HEMK2: variants seen among roughly 807,000 people sequenced by gnomAD.
HEMK2 encodes the protein methyltransferase HEMK2.
chr21:28,756,466 C>T, the HEMK2 span, among the ~76,000 whole-genome samples: 1 of 152,184 alleles, frequency 6.6e-6, no homozygotes, highest in African/African-American at 2.4e-5. Flanking sequence ...TCCATCCATT[C>T]CAACCATAAA....
At chr21:28,723,354 A>G in the HEMK2 span, among the ~76,000 whole-genome samples, 3 of 152,124 alleles carry the variant, frequency 2.0e-5, no homozygotes, top group Non-Finnish European at 2.9e-5. Flanking sequence ...ATTAGTCTAC[A>G]TGTCACTGCA....
At chr21:28,783,937 A>C in the HEMK2 span, among the ~76,000 whole-genome samples, 1 of 152,178 alleles carries the variant, frequency 6.6e-6, no homozygotes, top group East Asian at 1.9e-4. Flanking sequence ...TCCCCCGGCA[A>C]TGCCAGCCTG....
the HEMK2 span, among the ~76,000 whole-genome samples, chr21:28,699,348 C>T: frequency 3.9e-5 from 6 of 152,152 alleles, no homozygotes; most frequent in Non-Finnish European, 8.8e-5. Context: ...GGCCTGCTTC[C>T]TGGTTCACAG....
the HEMK2 span, among the ~76,000 whole-genome samples, chr21:28,613,113 T>C: frequency 1.3e-5 from 2 of 151,868 alleles, no homozygotes; most frequent in South Asian, 2.1e-4. Flanking sequence ...GATAGATAGA[T>C]AGATAGACAG....
the HEMK2 span, among the ~76,000 whole-genome samples, chr21:28,648,934 G>A: frequency 4.6e-5 from 6 of 130,778 alleles, no homozygotes; most frequent in East Asian, 8.4e-4. Context: ...ATCCCTCCCC[G>A]CTCCCCCCAC....
At chr21:28,703,960 G>C in the HEMK2 span, among the ~76,000 whole-genome samples, 12 of 152,274 alleles carry the variant, frequency 7.9e-5, no homozygotes, top group Admixed American at 6.5e-4. Context: ...TGGACTTGAA[G>C]CTTACTTGAC....
At chr21:28,576,430 T>C in the HEMK2 span, among the ~76,000 whole-genome samples, 309 of 151,924 alleles carry the variant, frequency 2.0e-3, 1 homozygote, top group African/African-American at 7.0e-3. Flanking sequence ...TTAAATTAGG[T>C]TTGTCTTTTA....
chr21:28,596,163 C>T, the HEMK2 span, among the ~76,000 whole-genome samples: 2 of 151,964 alleles, frequency 1.3e-5, no homozygotes, highest in Non-Finnish European at 2.9e-5. Context: ...ACTACAGGCG[C>T]CCGCCACCAC....
At chr21:28,810,757 T>G in the HEMK2 span, among the ~76,000 whole-genome samples, 7 of 152,166 alleles carry the variant, frequency 4.6e-5, no homozygotes, top group Non-Finnish European at 7.4e-5. Context: ...TCTTCCACAG[T>G]ATTCTCACTG....
At chr21:28,804,642 G>A in the HEMK2 span, among the ~76,000 whole-genome samples, 1 of 152,228 alleles carries the variant, frequency 6.6e-6, no homozygotes. Context: ...TAATACATAT[G>A]ACCCTAAAAT....
chr21:28,734,031 T>C, the HEMK2 span, among the ~76,000 whole-genome samples: 58,371 of 151,638 alleles, frequency 0.38, 12,828 homozygotes, highest in African/African-American at 0.6. Context: ...GGTATTAACA[T>C]CGGATGCCAT....
At chr21:28,676,782 T>G in the HEMK2 span, among the ~76,000 whole-genome samples, 1 of 152,226 alleles carries the variant, frequency 6.6e-6, no homozygotes, top group African/African-American at 2.4e-5. Flanking sequence ...AATTCCATTA[T>G]TCTCACCCTT....
the HEMK2 span, among the ~76,000 whole-genome samples, chr21:28,831,947 A>C: frequency 6.6e-6 from 1 of 152,236 alleles, no homozygotes; most frequent in Admixed American, 6.5e-5. Flanking sequence ...ATAACTGTTT[A>C]CTAAAATATC....
At chr21:28,877,259 G>GGGAGGGAAGGAA in the HEMK2 span, among the ~76,000 whole-genome samples, 1 of 76,188 alleles carries the variant, frequency 1.3e-5, no homozygotes, top group African/African-American at 4.8e-5. Context: ...GGGAAGAGAA[G>GGGAGGGAAGGAA]GGAAGGAAGG....
chr21:28,791,999 G>A, the HEMK2 span, among the ~76,000 whole-genome samples: 1 of 152,114 alleles, frequency 6.6e-6, no homozygotes, highest in Non-Finnish European at 1.5e-5. Context: ...CAACGAAAGT[G>A]ATCTTTGATC....
chr21:28,813,823 G>A, the HEMK2 span, among the ~76,000 whole-genome samples: 30 of 152,292 alleles, frequency 2.0e-4, no homozygotes, highest in South Asian at 6.2e-3. Flanking sequence ...ACAAGCAATA[G>A]GAAAAGGATT....
chr21:28,854,278 C>T, the HEMK2 span, among the ~76,000 whole-genome samples: 48 of 152,246 alleles, frequency 3.2e-4, no homozygotes, highest in East Asian at 5.4e-3. Flanking sequence ...ACTTTCTATA[C>T]AGTTCATGCC....
the HEMK2 span, among the ~76,000 whole-genome samples, chr21:28,599,130 C>T: frequency 6.6e-6 from 1 of 152,166 alleles, no homozygotes; most frequent in Non-Finnish European, 1.5e-5. Flanking sequence ...AGCTATGATG[C>T]TAATGTGGTC....
At chr21:28,832,079 T>C in the HEMK2 span, among the ~76,000 whole-genome samples, 8 of 152,238 alleles carry the variant, frequency 5.3e-5, no homozygotes, top group African/African-American at 1.7e-4. Flanking sequence ...TTACTGTACA[T>C]AAAGCTTTTG....
Sources: gnomAD v4.1 joint callset for allele counts (sites outside exome capture counted in the v4.1 genomes callset) on GRCh38, gnomAD v4.1.1 for gene constraint, MANE v1.5 for transcripts, NCBI Gene and HGNC (gene_info 2026-07-23, HGNC 2026-07-21) for gene names.